The following VANGL1 variants were observed in gnomAD, a reference collection of about 807,000 sequenced individuals.
VANGL1 encodes the protein vang-like protein 1.
Under a neutral mutation model 48.4 loss-of-function variants are expected in VANGL1, and 18 were observed. The observed-to-expected ratio is 0.37, with a 90% CI of 0.26 to 0.55. The LOEUF is 0.55. VANGL1 is among the 20% of genes least tolerant of loss of function. VANGL1 has a pLI of 0.81. For synonymous variants in VANGL1, 257 were observed against 261.8 expected (o/e 0.98, Z 0.18); for missense variants, 667 against 675.8 (o/e 0.99, Z 0.14).
intron 1 of VANGL1, among the ~76,000 whole-genome samples, chr1:115,650,435 A>C (rs1165647550): frequency 1.3e-5 from 2 of 152,218 alleles, no homozygotes; most frequent in Admixed American, 6.5e-5. Context: ...AGCAATATCT[A>C]ATGAAAATGT....
At chr1:115,661,618 GTTGT>G (rs910057867) in intron 3 of VANGL1, among the ~76,000 whole-genome samples, 3 of 151,666 alleles carry the variant, frequency 2.0e-5, no homozygotes, top group Admixed American at 6.6e-5. Flanking sequence ...TTTTTTTGTT[GTTGT>G]TTGTTTGTTT....
Position 115,696,076 on chromosome 1 carries a change from T to A in VANGL1, c.*4697T>A, listed in dbSNP as rs1345367720. ...CCAGCCTTTCAGTGTTAACACCTGCTGCAAGACAGGGATGCTGTTGTTCTG... is the reference window on the plus strand; with the variant it reads ...CCAGCCTTTCAGTGTTAACACCTGCAGCAAGACAGGGATGCTGTTGTTCTG... On this transcript the variant is annotated 3_prime_UTR_variant, in exon 8 of 8. Transcript: ENST00000355485. 6.6e-6 allele frequency: 1 copy of A among 152,372 alleles called. No individual in the cohort carries two copies. Among genetic ancestry groups the A allele is most frequent in the Non-Finnish European group, 1.5e-5 (1 of 68,132 alleles). The allele number at this position is 152,372 out of a possible 1,614,324, so 9.4% of individuals were successfully genotyped here.
intron 1 of VANGL1, among the ~76,000 whole-genome samples, chr1:115,645,764 T>G (rs1651890108): frequency 6.6e-6 from 1 of 152,238 alleles, no homozygotes; most frequent in Non-Finnish European, 1.5e-5. Context: ...TGCAGAATTC[T>G]ATGTAAAAAT....
At chr1:115,674,944 G>A (rs537309586) in intron 4 of VANGL1, among the ~76,000 whole-genome samples, 6 of 145,290 alleles carry the variant, frequency 4.1e-5, no homozygotes, top group Non-Finnish European at 7.8e-5. Context: ...CCATGTGTAC[G>A]TCTGTGTGTG....
Position 115,663,662 on chromosome 1 carries a change from A to G in VANGL1, c.206A>G (p.Asp69Gly). 2 of 1,614,122 alleles carry G rather than the reference A, an allele frequency of 1.2e-6. No individual in the cohort carries two copies. Among genetic ancestry groups the G allele is most frequent in the Non-Finnish European group, 8.5e-7 (1 of 1,180,036 alleles). The change falls in exon 4 of 8, where the codon GAT (aspartate) becomes GGT (glycine). Residue 69 changes from aspartate to glycine, a missense_variant and splice_region_variant. Physicochemically the swap from Asp to Gly is moderately conservative, Grantham distance 94. Coordinates refer to ENST00000355485, the MANE Select transcript of VANGL1 (RefSeq NM_138959.3). The stretch of plus-strand genomic sequence containing the variant: ...TCCTCACTGTCTTCTCCCCACCAGG[A>G]TGACAACTGGGGAGAGACCACCACG... ...NDSTRTEEVQ[D>G]DNWGETTTAI... is the part of the protein sequence containing the mutation.
intron 4 of VANGL1, among the ~76,000 whole-genome samples, chr1:115,666,486 G>A (rs1024350512): frequency 6.6e-6 from 1 of 152,184 alleles, no homozygotes; most frequent in Non-Finnish European, 1.5e-5. Flanking sequence ...AGCTGGATGG[G>A]AGAAGCCAGA....
chr1:115,690,048 C>T lies in VANGL1; in HGVS notation c.1315-1071C>T, dbSNP rs995265066. ...GTATTACTGGCTCATTTCATTCTTC[C>T]TTCCCCTCATGGCTAAATCAGTGTA... On this transcript the variant is annotated intron_variant, in intron 7 of 7. Transcript: ENST00000355485. Among the ~76,000 whole-genome samples, 34 of 139,178 alleles carry T rather than the reference C, an allele frequency of 2.4e-4. 8 individuals are homozygous for T. Among genetic ancestry groups the T allele is most frequent in the African/African-American group, 8.9e-4 (33 of 37,132 alleles). The allele number at this position is 139,178 out of a possible 152,430, so 91.3% of individuals were successfully genotyped here. A position where few individuals can be genotyped will look rare whatever the true frequency, so the allele number is the denominator to read the frequency against.
Position 115,659,793 on chromosome 1 carries a change from T to A in VANGL1, c.204+20T>A. ...GTTCAGGTAAGGATCAAAGGTGGTC[T>A]GTAAGCACACTGCCACTTGGCCAAG... On this transcript the variant is annotated intron_variant, in intron 3 of 7. Coordinates refer to ENST00000355485, the MANE Select transcript of VANGL1 (RefSeq NM_138959.3). 4 of 1,614,136 alleles carry A rather than the reference T, an allele frequency of 2.5e-6. No individual in the cohort carries two copies. Among genetic ancestry groups the A allele is most frequent in the Non-Finnish European group, 3.4e-6 (4 of 1,180,014 alleles).
At chr1:115,670,644 C>T (rs945326602) in intron 4 of VANGL1, among the ~76,000 whole-genome samples, 2 of 152,182 alleles carry the variant, frequency 1.3e-5, no homozygotes, top group Non-Finnish European at 1.5e-5. Context: ...CCCATGTTCA[C>T]GATGAGCACC....
chr1:115,693,514 A>G lies in VANGL1; in HGVS notation c.*2135A>G, dbSNP rs1014369999. 1 of 152,642 alleles carries G rather than the reference A, an allele frequency of 6.6e-6. No homozygotes were observed. Among genetic ancestry groups the G allele is most frequent in the African/African-American group, 2.4e-5 (1 of 41,472 alleles). The allele number at this position is 152,642 out of a possible 1,614,324, so 9.5% of individuals were successfully genotyped here. On this transcript the variant is annotated 3_prime_UTR_variant, in exon 8 of 8. Transcript: ENST00000355485. ...CCCAGCAGGGTGAAGAAAGGTTTAA[A>G]TTAAAGAATTTATTTTCTCTCTCCC...
chr1:115,681,592 C>T (rs1323276470), intron 4 of VANGL1, among the ~76,000 whole-genome samples: 1 of 150,230 alleles, frequency 6.7e-6, no homozygotes, highest in Non-Finnish European at 1.5e-5. Flanking sequence ...CTGCAACCTC[C>T]GCCTCCTGGG....
At position 115,682,347 on chromosome 1, in the gene VANGL1, T is replaced by C. The variant is rs1280885200; in HGVS notation, c.813-17T>C. 6.2e-7 allele frequency: 1 copy of C among 1,613,778 alleles called. No individual in the cohort carries two copies. The highest frequency in any genetic ancestry group is 8.5e-7 in the Non-Finnish European group (1 of 1,180,012). On this transcript the variant is annotated splice_polypyrimidine_tract_variant and intron_variant, in intron 4 of 7. Coordinates refer to ENST00000355485, the MANE Select transcript of VANGL1 (RefSeq NM_138959.3). ...CAGTGAAAAAGCTTTGCATTAATTTTGTTCTTTTTTTCTCAGTATCCAGCG... is the reference window on the plus strand; with the variant it reads ...CAGTGAAAAAGCTTTGCATTAATTTCGTTCTTTTTTTCTCAGTATCCAGCG...
chr1:115,649,303 C>T (rs1652049906), intron 1 of VANGL1, among the ~76,000 whole-genome samples: 1 of 152,264 alleles, frequency 6.6e-6, no homozygotes, highest in South Asian at 2.1e-4. Context: ...CCCCACAAAC[C>T]CCCACCATAA....
rs17034104 is a variant in VANGL1 at position 115,654,946 on chromosome 1, A to T, written c.71+3462A>T. ...CAAAGTTAGTAGGTGCCCTCAGCAG[A>T]TTTTGGGCCAACCTTGTTTCTTTAG... On this transcript the variant is annotated intron_variant, in intron 2 of 7. Coordinates refer to ENST00000355485, the MANE Select transcript of VANGL1 (RefSeq NM_138959.3). 9.3e-3 allele frequency among the ~76,000 whole-genome samples: 1,409 copies of T among 152,302 alleles called. 20 individuals are homozygous for T. Among genetic ancestry groups the T allele is most frequent in the African/African-American group, 0.032 (1,339 of 41,550 alleles).
chr1:115,670,481 A>C (rs962222446), intron 4 of VANGL1, among the ~76,000 whole-genome samples: 4 of 152,128 alleles, frequency 2.6e-5, no homozygotes, highest in African/African-American at 9.7e-5. Context: ...ACAAAGGGAG[A>C]GTCTTCTAGG....
intron 5 of VANGL1, among the ~76,000 whole-genome samples, chr1:115,683,408 C>T (rs1245039297): frequency 6.6e-6 from 1 of 152,204 alleles, no homozygotes; most frequent in African/African-American, 2.4e-5. Context: ...CACCCTCAAG[C>T]ATTGGTATTT....
In VANGL1 at chr1:115,664,009, T is replaced by C. The variant is rs546262461; in HGVS notation, c.553T>C (p.Phe185Leu). Residue 185 changes from phenylalanine (F) to leucine (L), a missense_variant, in exon 4 of 8, where the codon TTT (phenylalanine) becomes CTT (leucine). Physicochemically the swap from Phe to Leu is conservative, Grantham distance 22. Transcript: ENST00000355485. ...AGCTGACATGCCACGGGTGTTTGTG[T>C]TTCGTGCCCTTTTGTTGGTCCTCAT... ...RRADMPRVFVFRALLLVLIFL... is the reference protein window; with the variant it reads ...RRADMPRVFVLRALLLVLIFL... 1.9e-6 allele frequency: 3 copies of C among 1,614,228 alleles called. No individual in the cohort carries two copies. The Admixed American group carries it at 5.0e-5, about 27-fold the overall frequency.
intron 3 of VANGL1, among the ~76,000 whole-genome samples, chr1:115,662,681 C>T (rs867502890): frequency 6.6e-6 from 1 of 152,134 alleles, no homozygotes; most frequent in African/African-American, 2.4e-5. Context: ...CCAATCTGGC[C>T]ATACACGGAT....
chr1:115,694,510 C>T lies in VANGL1; in HGVS notation c.*3131C>T, dbSNP rs1653963000. On this transcript the variant is annotated 3_prime_UTR_variant, in exon 8 of 8. Transcript: ENST00000355485. ...CTACAGTAGTTGGTGGTAGATTTCT[C>T]TCTCATTTTGCCTCATAATCACTTT... The T allele has an allele frequency of 6.6e-6, 1 of 152,194 alleles. No individual in the cohort carries two copies. The highest frequency in any genetic ancestry group is 1.5e-5 in the Non-Finnish European group (1 of 68,058). 9.4% of individuals were successfully genotyped at this position (152,194 alleles called of 1,614,324 possible).
Sources: allele counts gnomAD v4.1 joint callset (sites outside exome capture counted in the v4.1 genomes callset), GRCh38; gene constraint gnomAD v4.1.1; transcripts MANE v1.5; gene names NCBI Gene and HGNC (gene_info 2026-07-23, HGNC 2026-07-21).